Variants in UBAP2 observed in about 807,000 individuals in gnomAD.
UBAP2 encodes the protein ubiquitin associated protein 2.
In UBAP2, 75 loss-of-function variants were observed where a neutral mutation model predicts 139.6. That is an observed-to-expected ratio of 0.54 (90% confidence interval 0.45 to 0.65). The LOEUF (loss-of-function observed/expected upper bound fraction) is 0.65. Ranked by LOEUF, UBAP2 falls within the 30% of genes least tolerant of loss-of-function variation. UBAP2 has a pLI of 0.00. For synonymous variants in UBAP2, 526 were observed against 526.2 expected (o/e 1.00, Z 0.01); for missense variants, 1,368 against 1,369.6 (o/e 1.00, Z 0.02).
chr9:34,015,820 C>T (rs1824199877), intron 2 of UBAP2, among the ~76,000 whole-genome samples: 1 of 152,036 alleles, frequency 6.6e-6, no homozygotes, highest in East Asian at 1.9e-4. Context: ...AAATGGAAGC[C>T]ATCATGCCCA....
Position 33,989,108 on chromosome 9 carries a change from C to A in UBAP2, c.307G>T (p.Gly103Trp). ...NSDTTSWETV[G>W]CKKKNFAKEN... The stretch of plus-strand genomic sequence containing the variant: ...TTTGCAAAATTCTTTTTCTTACACC[C>A]TACAGTCTCCCATGAAGTCTATCAG... The change falls in exon 5 of 29, where the codon GGG becomes TGG. Residue 103 changes from glycine (G) to tryptophan (W), a missense_variant. Coordinates refer to ENST00000379238, the MANE Select transcript of UBAP2 (RefSeq NM_001370062.2). 6.2e-7 allele frequency: 1 copy of A among 1,612,728 alleles called. No individual in the cohort carries two copies. The highest frequency in any genetic ancestry group is 8.5e-7 in the Non-Finnish European group (1 of 1,179,630).
At position 33,930,083 on chromosome 9, in the gene UBAP2, TA is replaced by T. The variant is rs372684166; in HGVS notation, c.2176-2092del. On this transcript the variant is annotated intron_variant, in intron 19 of 28. Coordinates refer to ENST00000379238, the MANE Select transcript of UBAP2 (RefSeq NM_001370062.2). Reference sequence around the variant, plus strand: ...GGAAATCAAATGGTTTTCAAATATATAAAAAAAAGGATGTACAACCTCATTA... The same window carrying T: ...GGAAATCAAATGGTTTTCAAATATATAAAAAAAGGATGTACAACCTCATTA... Among the ~76,000 whole-genome samples the T allele has an allele frequency of 1.7e-3, 253 of 151,900 alleles. 1 individual carries two copies. The highest frequency in any genetic ancestry group is 5.9e-3 in the African/African-American group (243 of 41,444).
At chr9:33,963,842 T>A in intron 8 of UBAP2, 51 bp from the exon 9 acceptor site, 11 of 1,028,438 alleles carry the variant, frequency 1.1e-5, no homozygotes, top group Non-Finnish European at 1.4e-5. Context: ...AGAATGAAAG[T>A]ATTCATCACA....
At chr9:34,028,287 G>A (rs1785509) in intron 1 of UBAP2, among the ~76,000 whole-genome samples, 91,319 of 151,784 alleles carry the variant, frequency 0.6, 27,858 homozygotes, top group East Asian at 0.81. Flanking sequence ...AGGCCACGAA[G>A]GGAATTAATT....
intron 2 of UBAP2, among the ~76,000 whole-genome samples, chr9:34,000,724 G>A (rs10814058): frequency 0.68 from 103,571 of 152,076 alleles, 35,903 homozygotes; most frequent in East Asian, 0.82. Flanking sequence ...AATCTTGACT[G>A]AAGTGGGATA....
At chr9:33,972,941 C>T (rs1023722574) in intron 7 of UBAP2, among the ~76,000 whole-genome samples, 1 of 152,118 alleles carries the variant, frequency 6.6e-6, no homozygotes, top group Non-Finnish European at 1.5e-5. Context: ...GGAGATCCTA[C>T]CACCCCATGG....
At chr9:33,936,356 G>A (rs544367310) in intron 16 of UBAP2, among the ~76,000 whole-genome samples, 1 of 152,074 alleles carries the variant, frequency 6.6e-6, no homozygotes. Context: ...GTGCAATGGC[G>A]CATCTTAGAT....
At chr9:33,999,375 G>A (rs7045007) in intron 2 of UBAP2, among the ~76,000 whole-genome samples, 91,100 of 151,156 alleles carry the variant, frequency 0.6, 27,807 homozygotes, top group East Asian at 0.81. Flanking sequence ...GTAGTTGGTA[G>A]GCAAAAAATA....
At chr9:33,934,880 T>C (rs988241583) in intron 17 of UBAP2, among the ~76,000 whole-genome samples, 9 of 152,186 alleles carry the variant, frequency 5.9e-5, no homozygotes, top group Admixed American at 2.6e-4. Flanking sequence ...CCAAACAGCC[T>C]TGGCAGCCCA....
chr9:33,995,430 TAAAC>T (rs1001598643), intron 4 of UBAP2: 2 of 136,184 alleles, frequency 1.5e-5, no homozygotes, highest in African/African-American at 5.7e-5. Flanking sequence ...TATATATTAT[TAAAC>T]AAATATTATA....
At chr9:33,951,160 T>G (rs74582116) in intron 12 of UBAP2, among the ~76,000 whole-genome samples, 17,843 of 151,758 alleles carry the variant, frequency 0.12, 1,526 homozygotes, top group East Asian at 0.46. Context: ...TAGCTATGAT[T>G]ACAGGGCATG....
At chr9:33,931,194 G>C (rs1300041901) in intron 19 of UBAP2, among the ~76,000 whole-genome samples, 1 of 152,184 alleles carries the variant, frequency 6.6e-6, no homozygotes, top group African/African-American at 2.4e-5. Flanking sequence ...ATATTTGGAA[G>C]GCTGACTTTT....
intron 6 of UBAP2, among the ~76,000 whole-genome samples, chr9:33,985,707 A>C (rs1198482230): frequency 6.6e-6 from 1 of 152,078 alleles, no homozygotes; most frequent in African/African-American, 2.4e-5. Flanking sequence ...ATTGGTGGAT[A>C]GGTTAAAACA....
chr9:33,970,767 A>G (rs1291836673), intron 8 of UBAP2, among the ~76,000 whole-genome samples: 1 of 151,934 alleles, frequency 6.6e-6, no homozygotes, highest in East Asian at 1.9e-4. Flanking sequence ...AGTCTAGGTT[A>G]TAATTCATTG....
intron 4 of UBAP2, among the ~76,000 whole-genome samples, chr9:33,991,041 T>C (rs558082546): frequency 1.2e-4 from 18 of 152,256 alleles, no homozygotes; most frequent in South Asian, 1.0e-3. Context: ...TCCCAGCACA[T>C]TGGGAGGCCA....
chr9:34,043,129 A>G (rs968260202), intron 1 of UBAP2, among the ~76,000 whole-genome samples: 1 of 151,864 alleles, frequency 6.6e-6, no homozygotes, highest in African/African-American at 2.4e-5. Context: ...TACAATGACA[A>G]CTCTACATGT....
chr9:34,039,358 A>G (rs1050696716), intron 1 of UBAP2, among the ~76,000 whole-genome samples: 9 of 152,226 alleles, frequency 5.9e-5, no homozygotes, highest in Non-Finnish European at 1.3e-4. Context: ...AGGTGTACCC[A>G]ACTGCTCATT....
intron 7 of UBAP2, among the ~76,000 whole-genome samples, 153 bp downstream of exon 7, chr9:33,973,030 A>G (rs528439107): frequency 6.6e-6 from 1 of 152,308 alleles, no homozygotes; most frequent in East Asian, 1.9e-4. Context: ...GATCAATTTT[A>G]TTCATATTAT....
chr9:34,012,788 T>C (rs999909369), intron 2 of UBAP2, among the ~76,000 whole-genome samples: 1 of 151,780 alleles, frequency 6.6e-6, no homozygotes, highest in East Asian at 1.9e-4. Context: ...AAAAAGGGTA[T>C]TCAGTAATTA....
Sources: allele counts gnomAD v4.1 joint callset (sites outside exome capture counted in the v4.1 genomes callset), GRCh38; gene constraint gnomAD v4.1.1; transcripts MANE v1.5; gene names NCBI Gene and HGNC (gene_info 2026-07-23, HGNC 2026-07-21).